The following L1TD1 variants were observed in gnomAD, a reference collection of about 807,000 sequenced individuals.
The protein encoded by L1TD1 is LINE1 type transposase domain containing 1.
Under a neutral mutation model 25.7 loss-of-function variants are expected in L1TD1, and 26 were observed. That is an observed-to-expected ratio of 1.01 (90% CI 0.74 to 1.40). The LOEUF (loss-of-function observed/expected upper bound fraction) is 1.40. L1TD1 is among the 40% of genes most tolerant of loss of function. The pLI, the probability that L1TD1 is intolerant of heterozygous loss-of-function variation, is 0.00. For missense variants in L1TD1, 1,130 were observed against 975.0 expected (o/e 1.16, Z -2.12); for synonymous variants, 421 against 335.6 (o/e 1.25, Z -2.78).
intron 2 of L1TD1, among the ~76,000 whole-genome samples, chr1:62,205,158 CCAA>C (rs1670710702): frequency 6.6e-6 from 1 of 151,584 alleles, no homozygotes; most frequent in African/African-American, 2.4e-5. Flanking sequence ...AGGCCAGCCA[CCAA>C]CATGGTGAAA....
intron 3 of L1TD1, chr1:62,208,469 T>A (rs2149101788): frequency 7.0e-6 from 1 of 142,642 alleles, no homozygotes; most frequent in African/African-American, 2.6e-5. Context: ...ATGGCTGCTG[T>A]GCTGGAAGGG....
chr1:62,211,357 G>GTA lies in L1TD1; in HGVS notation c.2583_2584insTA (p.Asn862Ter). 6.2e-7 allele frequency: 1 copy of GTA among 1,605,538 alleles called. No homozygotes were observed. The highest frequency in any genetic ancestry group is 8.5e-7 in the Non-Finnish European group (1 of 1,176,156). On this transcript the variant is annotated frameshift_variant, in exon 4 of 4. Transcript: ENST00000498273. LOFTEE classifies it high-confidence loss of function. ...TGCCCACCTTGAGAGAATTACTGGG[G>GTA]AATAATATACCTTAGCACGCCAGGG...
Position 62,205,437 on chromosome 1 carries a change from A to ATTTTTTTTTTTTTT in L1TD1, c.-110-1081_-110-1080insTTTTTTTTTTTTTT, listed in dbSNP as rs1169759217. ...TCTCTCTATATATATATATATATATATATATATTTTTTTTTAGACAGTCTT... is the reference window on the plus strand; with the variant it reads ...TCTCTCTATATATATATATATATATATTTTTTTTTTTTTTTATATATTTTTTTTTAGACAGTCTT... On this transcript the variant is annotated intron_variant, in intron 2 of 3. Transcript: ENST00000498273. Among the ~76,000 whole-genome samples the ATTTTTTTTTTTTTT allele has an allele frequency of 4.9e-3, 205 of 42,258 alleles. 7 individuals are homozygous for ATTTTTTTTTTTTTT. Among genetic ancestry groups the ATTTTTTTTTTTTTT allele is most frequent in the Non-Finnish European group, 7.1e-3 (154 of 21,662 alleles). 27.7% of individuals were successfully genotyped at this position (42,258 alleles called of 152,430 possible).
intron 2 of L1TD1, among the ~76,000 whole-genome samples, chr1:62,203,817 C>T (rs756574094): frequency 6.6e-6 from 1 of 152,094 alleles, no homozygotes. Context: ...TATCTCCTGA[C>T]CTTGTGATCC....
rs759684328 is a variant in L1TD1, at chr1:62,210,977, G to T, written c.2203G>T (p.Gly735Cys). ...TGAAAACTTTGCAGAACTAAAGAAAGGTTCAAGTCTTGAGATTGTCAGTGC... is the reference window on the plus strand; with the variant it reads ...TGAAAACTTTGCAGAACTAAAGAAATGTTCAAGTCTTGAGATTGTCAGTGC... ...IDENFAELKK[G>C]SSLEIVSACR... Residue 735 changes from glycine to cysteine, a missense_variant, in exon 4 of 4, where the codon GGT becomes TGT. Gly to Cys is a radical substitution (Grantham distance 159). Coordinates refer to ENST00000498273, the MANE Select transcript of L1TD1 (RefSeq NM_019079.5). 1 of 1,545,974 alleles carries T rather than the reference G, an allele frequency of 6.5e-7. No homozygotes were observed.
intron 3 of L1TD1, chr1:62,208,506 G>C (rs1181824689): frequency 7.3e-6 from 1 of 136,800 alleles, no homozygotes; most frequent in Non-Finnish European, 1.6e-5. Flanking sequence ...TTGAGATAAA[G>C]TCTTGCTCTA....
At chr1:62,197,014 C>T (rs914404016) in intron 2 of L1TD1, among the ~76,000 whole-genome samples, 3 of 152,140 alleles carry the variant, frequency 2.0e-5, no homozygotes, top group Non-Finnish European at 2.9e-5. Flanking sequence ...TAGCAGAACC[C>T]ACAGTTCGTC....
chr1:62,201,936 A>G (rs1374450398), intron 2 of L1TD1, among the ~76,000 whole-genome samples: 4 of 152,060 alleles, frequency 2.6e-5, no homozygotes, highest in African/African-American at 7.2e-5. Flanking sequence ...CCGGTGGACT[A>G]TTTGGTTGCT....
chr1:62,205,383 CTCTCTTT>C (rs1206720017), intron 2 of L1TD1, among the ~76,000 whole-genome samples: 2 of 54,092 alleles, frequency 3.7e-5, no homozygotes, highest in Non-Finnish European at 7.5e-5. Context: ...TTCTCTCTCT[CTCTCTTT>C]CTCTCTCTCT....
At chr1:62,198,289 C>T (rs1014128949) in intron 2 of L1TD1, among the ~76,000 whole-genome samples, 3 of 151,832 alleles carry the variant, frequency 2.0e-5, no homozygotes, top group Non-Finnish European at 4.4e-5. Context: ...AGTGATCACA[C>T]CACTGCTTGC....
Position 62,210,075 on chromosome 1 carries a change from A to AG in L1TD1, c.1303dup (p.Glu435GlyfsTer23). On this transcript the variant is annotated frameshift_variant, in exon 4 of 4. Coordinates refer to ENST00000498273, the MANE Select transcript of L1TD1 (RefSeq NM_019079.5). LOFTEE classifies it low-confidence loss of function (END_TRUNC). The stretch of plus-strand genomic sequence containing the variant: ...GAGGATGAGGCCTCAGGGCTAGAGG[A>AG]GGAAGAGGAACAGACTTCAGAACAG... 6.2e-7 allele frequency: 1 copy of AG among 1,614,070 alleles called. No individual in the cohort carries two copies. Among genetic ancestry groups the AG allele is most frequent in the Non-Finnish European group, 8.5e-7 (1 of 1,180,024 alleles).
intron 2 of L1TD1, among the ~76,000 whole-genome samples, chr1:62,200,498 T>A (rs1670621093): frequency 6.6e-6 from 1 of 152,086 alleles, no homozygotes; most frequent in Non-Finnish European, 1.5e-5. Flanking sequence ...GTATATTTTA[T>A]AAATTAATGT....
intron 2 of L1TD1, among the ~76,000 whole-genome samples, chr1:62,200,237 C>T (rs1440711028): frequency 4.6e-5 from 7 of 152,212 alleles, no homozygotes; most frequent in African/African-American, 9.6e-5. Context: ...AGTGCAATGG[C>T]GTGGTCTCAG....
At position 62,205,433 on chromosome 1, in the gene L1TD1, A is replaced by ATTTTTTTTTT. The variant is rs1161372604; in HGVS notation, c.-110-1085_-110-1084insTTTTTTTTTT. ...TCTCTCTCTCTATATATATATATAT[A>ATTTTTTTTTT]TATATATATATTTTTTTTTAGACAG... On this transcript the variant is annotated intron_variant, in intron 2 of 3. Coordinates refer to ENST00000498273, the MANE Select transcript of L1TD1 (RefSeq NM_019079.5). Among the ~76,000 whole-genome samples the ATTTTTTTTTT allele has an allele frequency of 2.5e-4, 10 of 40,074 alleles. 1 individual carries two copies. Among genetic ancestry groups the ATTTTTTTTTT allele is most frequent in the Non-Finnish European group, 3.6e-4 (6 of 16,746 alleles). The allele number at this position is 40,074 out of a possible 152,430, so 26.3% of individuals were successfully genotyped here. A position where few individuals can be genotyped will look rare whatever the true frequency, so the allele number is the denominator to read the frequency against.
intron 1 of L1TD1, among the ~76,000 whole-genome samples, chr1:62,195,840 A>G (rs1015402703): frequency 2.0e-5 from 2 of 100,488 alleles, no homozygotes; most frequent in African/African-American, 8.7e-5. Flanking sequence ...GGAGATCGAG[A>G]CCATCCTGGC....
chr1:62,207,817 A>G (rs992382795), intron 3 of L1TD1, among the ~76,000 whole-genome samples, 181 bp downstream of exon 3: 1 of 152,090 alleles, frequency 6.6e-6, no homozygotes, highest in African/African-American at 2.4e-5. Flanking sequence ...GGTTCAAGTG[A>G]TTCTCCTGCC....
In L1TD1 at chr1:62,206,521, T is replaced by A. The variant is rs1358364657; in HGVS notation, c.-108T>A. 7.3e-6 allele frequency: 8 copies of A among 1,098,406 alleles called. No individual in the cohort carries two copies. In the East Asian group the frequency reaches 1.4e-4, roughly 19 times the overall value. The allele number at this position is 1,098,406 out of a possible 1,614,324, so 68.0% of individuals were successfully genotyped here. On this transcript the variant is annotated splice_region_variant and 5_prime_UTR_variant, in exon 3 of 4. Coordinates refer to ENST00000498273, the MANE Select transcript of L1TD1 (RefSeq NM_019079.5). ...TTTTTCATTTTTTTGTATTTCAGAT[T>A]GACGTATTTTAAGATTTTTTTAACT...
In L1TD1 at chr1:62,205,437, A is replaced by ATTTTTTTT. The variant is rs1169759217; in HGVS notation, c.-110-1081_-110-1080insTTTTTTTT. ...TCTCTCTATATATATATATATATAT[A>ATTTTTTTT]TATATATTTTTTTTTAGACAGTCTT... On this transcript the variant is annotated intron_variant, in intron 2 of 3. Coordinates refer to ENST00000498273, the MANE Select transcript of L1TD1 (RefSeq NM_019079.5). Among the ~76,000 whole-genome samples, 42 of 42,424 alleles carry ATTTTTTTT rather than the reference A, an allele frequency of 9.9e-4. 1 individual carries two copies. Among genetic ancestry groups the ATTTTTTTT allele is most frequent in the African/African-American group, 2.8e-3 (30 of 10,820 alleles). The allele number at this position is 42,424 out of a possible 152,430, so 27.8% of individuals were successfully genotyped here.
intron 2 of L1TD1, among the ~76,000 whole-genome samples, chr1:62,204,156 C>T (rs927191132): frequency 6.6e-6 from 1 of 152,146 alleles, no homozygotes; most frequent in Non-Finnish European, 1.5e-5. Flanking sequence ...GTTGTGTCCC[C>T]TTGTTATTCA....
Sources: gnomAD v4.1 joint callset for allele counts (sites outside exome capture counted in the v4.1 genomes callset) on GRCh38, gnomAD v4.1.1 for gene constraint, MANE v1.5 for transcripts, NCBI Gene and HGNC (gene_info 2026-07-23, HGNC 2026-07-21) for gene names.